SGCE: variants seen among roughly 807,000 people sequenced by gnomAD.
SGCE encodes the protein sarcoglycan epsilon.
In SGCE, 26 loss-of-function variants were observed where a neutral mutation model predicts 57.8. The ratio of observed to expected loss-of-function variants is 0.45; its 90% confidence interval spans 0.33 to 0.62. The LOEUF (loss-of-function observed/expected upper bound fraction) is 0.62, where lower values mean the gene tolerates loss of function less well. Ranked by LOEUF, SGCE falls within the 20% of genes least tolerant of loss-of-function variation. The pLI is 0.02. For synonymous variants in SGCE, 183 were observed against 189.5 expected (o/e 0.97, Z 0.28); for missense variants, 468 against 548.6 (o/e 0.85, Z 1.47).
At chr7:94,615,239 A>G (rs1027963656) in intron 5 of SGCE, among the ~76,000 whole-genome samples, 5 of 152,122 alleles carry the variant, frequency 3.3e-5, no homozygotes, top group African/African-American at 1.2e-4. Context: ...GGTGCCTGTA[A>G]TCTCAGCTAA....
intron 5 of SGCE, chr7:94,616,890 G>A (rs1165948172): frequency 1.3e-5 from 2 of 152,124 alleles, no homozygotes; most frequent in Non-Finnish European, 2.9e-5. Flanking sequence ...ATTTTGTAAA[G>A]GTTAAGGCTT....
intron 9 of SGCE, chr7:94,594,658 A>G (rs1562792589): frequency 1.3e-5 from 2 of 152,180 alleles, no homozygotes; most frequent in African/African-American, 4.8e-5. Context: ...CAAATGTACC[A>G]TGGTACTGTA....
At chr7:94,632,599 A>G (rs1804880616) in intron 1 of SGCE, among the ~76,000 whole-genome samples, 1 of 152,156 alleles carries the variant, frequency 6.6e-6, no homozygotes, top group Admixed American at 6.6e-5. Context: ...TTCATCATCT[A>G]GAAATGGAAA....
At chr7:94,601,482 A>G (rs1353205889) in intron 6 of SGCE, among the ~76,000 whole-genome samples, 2 of 145,582 alleles carry the variant, frequency 1.4e-5, no homozygotes, top group Non-Finnish European at 3.0e-5. Flanking sequence ...AAAAACTACA[A>G]CAGTTGCACT....
intron 1 of SGCE, among the ~76,000 whole-genome samples, chr7:94,651,869 G>A (rs1045248470): frequency 5.3e-5 from 8 of 152,010 alleles, no homozygotes; most frequent in Non-Finnish European, 1.2e-4. Context: ...CTGAAAACTT[G>A]AATCAGAAAC....
chr7:94,655,155 A>T (rs1808424141), intron 1 of SGCE, among the ~76,000 whole-genome samples: 2 of 152,338 alleles, frequency 1.3e-5, no homozygotes, highest in South Asian at 2.1e-4. Context: ...TTCACCCTAC[A>T]AGATTTAGGA....
Position 94,623,881 on chromosome 7 carries a change from C to T in SGCE, c.391-484G>A, listed in dbSNP as rs932374285. The T allele has an allele frequency of 2.5e-4, 90 of 356,260 alleles. 1 individual carries two copies. In the East Asian group the frequency reaches 3.6e-3, roughly 14 times the overall value. 22.1% of individuals were successfully genotyped at this position (356,260 alleles called of 1,614,324 possible). On this transcript the variant is annotated intron_variant, in intron 3 of 10. Transcript: ENST00000648936. Reference sequence around the variant, plus strand: ...ATCAGTCAAAAAATGTCATAAATAACCCTTTGGAAATCATATCTCACTTAC... The same window carrying T: ...ATCAGTCAAAAAATGTCATAAATAATCCTTTGGAAATCATATCTCACTTAC...
At chr7:94,594,075 T>C (rs1231908740) in intron 9 of SGCE, among the ~76,000 whole-genome samples, 4 of 152,096 alleles carry the variant, frequency 2.6e-5, no homozygotes, top group Non-Finnish European at 1.5e-5. Flanking sequence ...TGACGTTCCT[T>C]TGATGACCTA....
In SGCE at chr7:94,629,814, G is replaced by T. The variant is rs1192695015; in HGVS notation, c.137C>A (p.Ser46Tyr). Residue 46 changes from serine to tyrosine, a missense_variant, in exon 2 of 11, where the codon TCC becomes TAC. Ser to Tyr is a moderately radical substitution (Grantham distance 144). Transcript: ENST00000648936. ...TGCTGATGGGTATACATTCCGATCG[G>T]AGTGTACCTTGGAGAAAATACTGTA... ...TVYSIFSKVH[S>Y]DRNVYPSAGV... 1.2e-6 allele frequency: 2 copies of T among 1,610,916 alleles called. No individual in the cohort carries two copies. Among genetic ancestry groups the T allele is most frequent in the South Asian group, 1.1e-5 (1 of 91,008 alleles).
At chr7:94,587,279 A>G in intron 10 of SGCE, 2 of 988,556 alleles carry the variant, frequency 2.0e-6, no homozygotes, top group Non-Finnish European at 2.4e-6. Flanking sequence ...AATTGCCCTA[A>G]TATCATCTAC....
chr7:94,585,272 C>G lies in SGCE; in HGVS notation c.*227G>C. On this transcript the variant is annotated 3_prime_UTR_variant, in exon 11 of 11. Transcript: ENST00000648936. ...TTTTAAAGATCAACTTTTATTGTAA[C>G]AAATATAAAGTCATCAATGTTTTAC... 1 of 459,490 alleles carries G rather than the reference C, an allele frequency of 2.2e-6. No homozygotes were observed. The highest frequency in any genetic ancestry group is 3.6e-5 in the Admixed American group (1 of 27,866). The allele number at this position is 459,490 out of a possible 1,614,324, so 28.5% of individuals were successfully genotyped here.
chr7:94,609,045 TGAAA>T (rs1308830383), intron 5 of SGCE, among the ~76,000 whole-genome samples: 2 of 152,062 alleles, frequency 1.3e-5, no homozygotes, highest in Non-Finnish European at 1.5e-5. Flanking sequence ...GCACAATCCA[TGAAA>T]GAAAGAATTG....
intron 5 of SGCE, among the ~76,000 whole-genome samples, chr7:94,610,883 A>G (rs561775382): frequency 1.7e-4 from 26 of 152,354 alleles, no homozygotes; most frequent in African/African-American, 6.3e-4. Flanking sequence ...GATATCTAAT[A>G]TGCATATGAA....
intron 5 of SGCE, among the ~76,000 whole-genome samples, chr7:94,615,361 AATAAATAGATAGATAG>A (rs1321887699): frequency 6.8e-5 from 9 of 132,282 alleles, no homozygotes; most frequent in East Asian, 2.2e-4. Context: ...TCTGTCTCAA[AATAAATAGATAGATAG>A]ATAGATAGAT....
At chr7:94,646,077 G>A (rs1248241971) in intron 1 of SGCE, among the ~76,000 whole-genome samples, 2 of 152,146 alleles carry the variant, frequency 1.3e-5, no homozygotes, top group Non-Finnish European at 2.9e-5. Context: ...CGTTGTCCAA[G>A]GACTAAAAAG....
At chr7:94,648,000 C>T (rs1471052727) in intron 1 of SGCE, among the ~76,000 whole-genome samples, 1 of 151,990 alleles carries the variant, frequency 6.6e-6, no homozygotes, top group Non-Finnish European at 1.5e-5. Flanking sequence ...TAAAAAGTTC[C>T]ACGATAGCCG....
At chr7:94,649,638 T>G (rs1313081843) in intron 1 of SGCE, among the ~76,000 whole-genome samples, 1 of 152,240 alleles carries the variant, frequency 6.6e-6, no homozygotes, top group African/African-American at 2.4e-5. Context: ...GCTGTTTGCA[T>G]TATTACAATC....
chr7:94,612,435 T>C (rs1801179919), intron 5 of SGCE, among the ~76,000 whole-genome samples: 1 of 152,208 alleles, frequency 6.6e-6, no homozygotes. Context: ...TAATTTTGTA[T>C]CCTGCTTTTT....
chr7:94,618,618 T>C (rs976944148), intron 5 of SGCE, 140 bp downstream of exon 5: 1 of 668,012 alleles, frequency 1.5e-6, no homozygotes, highest in Non-Finnish European at 2.5e-6. Flanking sequence ...AGAAAATTAC[T>C]AGTATGTTCA....
Sources: allele counts gnomAD v4.1 joint callset (sites outside exome capture counted in the v4.1 genomes callset), GRCh38; gene constraint gnomAD v4.1.1; transcripts MANE v1.5; gene names NCBI Gene and HGNC (gene_info 2026-07-23, HGNC 2026-07-21).